The following PTPRR variants were observed in gnomAD, a reference collection of about 807,000 sequenced individuals.
PTPRR encodes protein tyrosine phosphatase receptor type R, also known as receptor-type tyrosine-protein phosphatase R.
Under a neutral mutation model 77.2 loss-of-function variants are expected in PTPRR, and 38 were observed. The observed-to-expected ratio is 0.49, with a 90% CI of 0.38 to 0.65. The LOEUF (loss-of-function observed/expected upper bound fraction) is 0.65. Ranked by LOEUF, PTPRR falls within the 30% of genes least tolerant of loss-of-function variation. PTPRR has a pLI of 0.00. For synonymous variants in PTPRR, 299 were observed against 283.1 expected (o/e 1.06, Z -0.57); for missense variants, 744 against 799.2 (o/e 0.93, Z 0.83).
At chr12:70,876,776 A>G (rs1368799794) in intron 2 of PTPRR, among the ~76,000 whole-genome samples, 1 of 152,210 alleles carries the variant, frequency 6.6e-6, no homozygotes, top group Non-Finnish European at 1.5e-5. Flanking sequence ...GAAGTTGCTG[A>G]TAATATAGCT....
At chr12:70,829,682 G>C (rs1040041337) in intron 2 of PTPRR, among the ~76,000 whole-genome samples, 1 of 152,096 alleles carries the variant, frequency 6.6e-6, no homozygotes, top group Non-Finnish European at 1.5e-5. Flanking sequence ...TTCAATTAGG[G>C]ATATACCAGT....
At position 70,654,687 on chromosome 12, in the gene PTPRR, CTTGT is replaced by C. The variant is rs564545124; in HGVS notation, c.1880+2013_1880+2016del. On this transcript the variant is annotated intron_variant, in intron 13 of 13. Coordinates refer to ENST00000283228, the MANE Select transcript of PTPRR (RefSeq NM_002849.4). ...TCTGAAATTATCTTGGTTTATTTTG[CTTGT>C]TTATTATCTTTTTCTGCTAGCATAT... is the stretch of plus-strand genomic sequence containing the variant. Among the ~76,000 whole-genome samples, 236 of 152,264 alleles carry C rather than the reference CTTGT, an allele frequency of 1.5e-3. 3 individuals carry two copies. Among genetic ancestry groups the C allele is most frequent in the African/African-American group, 5.5e-3 (228 of 41,544 alleles).
intron 2 of PTPRR, among the ~76,000 whole-genome samples, chr12:70,835,367 T>A (rs1275829004): frequency 1.3e-5 from 2 of 152,108 alleles, no homozygotes; most frequent in Non-Finnish European, 2.9e-5. Flanking sequence ...TTATTTATAG[T>A]AGATCATGAT....
chr12:70,720,813 A>G (rs1252777415), intron 6 of PTPRR, among the ~76,000 whole-genome samples: 1 of 152,054 alleles, frequency 6.6e-6, no homozygotes, highest in East Asian at 1.9e-4. Context: ...TACTACCACT[A>G]GGCCCTAGGA....
chr12:70,894,310 C>A (rs527630811), intron 1 of PTPRR, among the ~76,000 whole-genome samples: 1 of 151,872 alleles, frequency 6.6e-6, no homozygotes, highest in East Asian at 1.9e-4. Context: ...CATGGCAGAT[C>A]TAGTACTCAT....
At chr12:70,666,205 C>A (rs1283193021) in intron 10 of PTPRR, among the ~76,000 whole-genome samples, 1 of 151,776 alleles carries the variant, frequency 6.6e-6, no homozygotes, top group African/African-American at 2.4e-5. Context: ...CCTTGGGGGG[C>A]TAGAATTTTC....
intron 8 of PTPRR, among the ~76,000 whole-genome samples, chr12:70,693,841 C>T (rs1422684292): frequency 6.6e-6 from 1 of 152,068 alleles, no homozygotes; most frequent in Non-Finnish European, 1.5e-5. Flanking sequence ...ATAGATGGTA[C>T]CCCTATTTCC....
intron 2 of PTPRR, among the ~76,000 whole-genome samples, chr12:70,843,631 A>T (rs1371857821): frequency 6.6e-6 from 1 of 152,128 alleles, no homozygotes. Context: ...CTGTTTACTA[A>T]AAGTCAGTAG....
intron 2 of PTPRR, among the ~76,000 whole-genome samples, chr12:70,773,977 C>G (rs2136988407): frequency 6.6e-6 from 1 of 152,328 alleles, no homozygotes; most frequent in African/African-American, 2.4e-5. Flanking sequence ...ACGCATCTAC[C>G]TGGCATACCT....
intron 2 of PTPRR, among the ~76,000 whole-genome samples, chr12:70,806,166 A>C (rs775866214): frequency 6.6e-6 from 1 of 152,182 alleles, no homozygotes; most frequent in Non-Finnish European, 1.5e-5. Flanking sequence ...AGATCCATTC[A>C]CTTGCATCCA....
chr12:70,892,747 G>A lies in PTPRR; in HGVS notation c.289C>T (p.Leu97=). 8 of 1,613,414 alleles carry A rather than the reference G, an allele frequency of 5.0e-6. No individual in the cohort carries two copies. Among genetic ancestry groups the A allele is most frequent in the Non-Finnish European group, 6.8e-6 (8 of 1,179,492 alleles). Residue 97 remains leucine (L), a synonymous_variant, in exon 2 of 14, where the codon CTG becomes TTG. Transcript: ENST00000283228. ...RPAYDPSLNL[L]AMDGQDLEVE... ...TCAAGATCTTGACCATCCATGGCCA[G>A]CAGATTGAGAGACGGGTCATATGCG...
intron 1 of PTPRR, among the ~76,000 whole-genome samples, chr12:70,896,539 G>A (rs1039431591): frequency 2.0e-5 from 3 of 151,444 alleles, no homozygotes; most frequent in Non-Finnish European, 4.4e-5. Flanking sequence ...TGACCATGAA[G>A]GAATTAAACT....
intron 6 of PTPRR, among the ~76,000 whole-genome samples, chr12:70,742,431 A>G (rs528937145): frequency 3.9e-5 from 6 of 152,326 alleles, no homozygotes; most frequent in East Asian, 1.9e-4. Flanking sequence ...CTAGGCAAGT[A>G]TTAATTCTTA....
At chr12:70,716,163 T>C (rs1434088513) in intron 6 of PTPRR, among the ~76,000 whole-genome samples, 2 of 152,176 alleles carry the variant, frequency 1.3e-5, no homozygotes, top group African/African-American at 2.4e-5. Flanking sequence ...ACCTCTTTTA[T>C]CTATCAGCTT....
chr12:70,883,152 G>A (rs767892985), intron 2 of PTPRR, among the ~76,000 whole-genome samples: 22 of 151,952 alleles, frequency 1.4e-4, no homozygotes, highest in African/African-American at 4.4e-4. Context: ...ACCCAGCTAC[G>A]GGGGAGGCTG....
chr12:70,732,578 C>T (rs1372804205), intron 6 of PTPRR, among the ~76,000 whole-genome samples: 2 of 152,168 alleles, frequency 1.3e-5, no homozygotes, highest in South Asian at 4.2e-4. Flanking sequence ...TGTTTTCCTC[C>T]GAGGCAGAGT....
At chr12:70,668,350 C>A (rs1374327481) in intron 10 of PTPRR, among the ~76,000 whole-genome samples, 1 of 152,046 alleles carries the variant, frequency 6.6e-6, no homozygotes, top group African/African-American at 2.4e-5. Context: ...CCTTCCTGTG[C>A]CTCAGTGTTC....
intron 6 of PTPRR, among the ~76,000 whole-genome samples, chr12:70,741,462 T>C (rs1425183599): frequency 1.3e-5 from 2 of 152,108 alleles, no homozygotes; most frequent in East Asian, 3.9e-4. Context: ...AAGTGATGCT[T>C]GAATGCCCCT....
intron 10 of PTPRR, among the ~76,000 whole-genome samples, chr12:70,675,175 C>T (rs1887397174): frequency 6.6e-6 from 1 of 151,832 alleles, no homozygotes. Flanking sequence ...GTATTTTTTT[C>T]CATCCTTTCC....
Sources: allele counts gnomAD v4.1 joint callset (sites outside exome capture counted in the v4.1 genomes callset), GRCh38; gene constraint gnomAD v4.1.1; transcripts MANE v1.5; gene names NCBI Gene and HGNC (gene_info 2026-07-23, HGNC 2026-07-21).